FYN: variants seen among roughly 807,000 people sequenced by gnomAD.
FYN encodes tyrosine-protein kinase Fyn.
A neutral mutation model predicts 70.2 loss-of-function variants in FYN; 10 were observed. The observed-to-expected ratio is 0.14, with a 90% CI of 0.09 to 0.24. The LOEUF is 0.24. Ranked by LOEUF, FYN falls within the 10% of genes least tolerant of loss-of-function variation. FYN has a pLI of 1.00. For missense variants in FYN, 319 were observed against 673.1 expected, an observed-to-expected ratio of 0.47 and a Z score of 5.82; for synonymous variants, 236 against 248.6, an observed-to-expected ratio of 0.95 and a Z score of 0.48.
chr6:111,783,616 A>T lies in FYN; in HGVS notation c.-81-2981T>A, dbSNP rs575827215. On this transcript the variant is annotated intron_variant, in intron 2 of 13. Coordinates refer to ENST00000354650, the MANE Select transcript of FYN (RefSeq NM_002037.5). ...AACAATTCTGCTTTTAATACATATCACAGACTATTGTATGACTCCCGGTAT... is the reference window on the plus strand; with the variant it reads ...AACAATTCTGCTTTTAATACATATCTCAGACTATTGTATGACTCCCGGTAT... 2.0e-5 allele frequency among the ~76,000 whole-genome samples: 3 copies of T among 152,332 alleles called. No homozygotes were observed. In the East Asian group the frequency reaches 5.8e-4, roughly 29 times the overall value.
chr6:111,674,658 C>T (rs1398452341), intron 12 of FYN, 28 bp from the exon 13 acceptor site: 3 of 1,608,654 alleles, frequency 1.9e-6, no homozygotes, highest in Non-Finnish European at 2.5e-6. Context: ...GGTTATTCAT[C>T]AGGCAGAGGG....
chr6:111,826,006 T>C (rs1772823641), intron 2 of FYN, among the ~76,000 whole-genome samples: 1 of 152,124 alleles, frequency 6.6e-6, no homozygotes, highest in Admixed American at 6.6e-5. Flanking sequence ...ATTTCATTAC[T>C]ATTTAAGTAT....
intron 3 of FYN, among the ~76,000 whole-genome samples, chr6:111,733,964 G>A (rs765310054): frequency 1.6e-4 from 25 of 152,172 alleles, no homozygotes; most frequent in African/African-American, 4.6e-4. Flanking sequence ...GTATGTGCCT[G>A]TAGTCTCAGT....
At chr6:111,818,588 CCCAGCTCCCT>C (rs1772561701) in intron 2 of FYN, 1 of 152,264 alleles carries the variant, frequency 6.6e-6, no homozygotes, top group Non-Finnish European at 1.5e-5. Context: ...ATCCCAGGGG[CCCAGCTCCCT>C]CCATGGTAAT....
intron 12 of FYN, among the ~76,000 whole-genome samples, chr6:111,691,155 T>C (rs1463942205): frequency 6.6e-6 from 1 of 152,190 alleles, no homozygotes; most frequent in Non-Finnish European, 1.5e-5. Context: ...GGGCCTGGCC[T>C]TGACCACCTC....
At chr6:111,799,764 GC>G (rs1771925044) in intron 2 of FYN, among the ~76,000 whole-genome samples, 1 of 152,168 alleles carries the variant, frequency 6.6e-6, no homozygotes, top group South Asian at 2.1e-4. Flanking sequence ...CATCTCCACT[GC>G]CCCCTGTCTG....
rs751427070 is a variant in FYN, at chr6:111,661,859, G to A, written c.1494C>T (p.Leu498=). The change falls in exon 14 of 14, where the codon CTC becomes CTT. Residue 498 remains leucine (L), a synonymous_variant. Coordinates refer to ENST00000354650, the MANE Select transcript of FYN (RefSeq NM_002037.5). This position sits in a 1 kb window ranked among gnomAD's most constrained non-coding sequence, Gnocchi z 4.0. ...GGTCCTTTTTCCAGCAGTGGATCAT[G>A]AGCTCATGCAGAGAGATGGGGCAGT... ...PQDCPISLHE[L]MIHCWKKDPE... is the part of the protein sequence containing the mutation. 2.5e-6 allele frequency: 4 copies of A among 1,614,218 alleles called. No individual in the cohort carries two copies. The highest frequency in any genetic ancestry group is 1.3e-5 in the African/African-American group (1 of 75,058).
At chr6:111,846,084 C>CA (rs1773519152) in intron 2 of FYN, among the ~76,000 whole-genome samples, 1 of 151,986 alleles carries the variant, frequency 6.6e-6, no homozygotes, top group Non-Finnish European at 1.5e-5. Flanking sequence ...CAGTAGGAAC[C>CA]AAAAAAATGT....
intron 1 of FYN, among the ~76,000 whole-genome samples, chr6:111,872,058 G>A (rs1774289109): frequency 6.6e-6 from 1 of 152,166 alleles, no homozygotes; most frequent in Admixed American, 6.5e-5. Flanking sequence ...CACTGAAAGG[G>A]CTCTTTGTGT....
chr6:111,675,813 A>AAAAT (rs1798509678), intron 12 of FYN, among the ~76,000 whole-genome samples: 1 of 149,632 alleles, frequency 6.7e-6, no homozygotes, highest in African/African-American at 2.5e-5. Flanking sequence ...GAAATAAAAT[A>AAAAT]AAAATAAATA....
chr6:111,780,196 G>T (rs902395557), intron 3 of FYN, among the ~76,000 whole-genome samples: 1 of 151,954 alleles, frequency 6.6e-6, no homozygotes, highest in South Asian at 2.1e-4. Flanking sequence ...TAATATATGG[G>T]TCACACGGAT....
intron 1 of FYN, among the ~76,000 whole-genome samples, chr6:111,861,785 G>A (rs1003627714): frequency 6.6e-6 from 1 of 152,150 alleles, no homozygotes; most frequent in Non-Finnish European, 1.5e-5. Flanking sequence ...ATGACTCCAG[G>A]GGTCCCTCCC....
chr6:111,850,456 T>C (rs1773654137), intron 1 of FYN, among the ~76,000 whole-genome samples: 1 of 152,142 alleles, frequency 6.6e-6, no homozygotes, highest in African/African-American at 2.4e-5. Flanking sequence ...ACAACTAAAG[T>C]GAGAACCTCA....
At chr6:111,782,039 T>G (rs1176733413) in intron 2 of FYN, among the ~76,000 whole-genome samples, 1 of 152,176 alleles carries the variant, frequency 6.6e-6, no homozygotes, top group Non-Finnish European at 1.5e-5. Context: ...TGAGATCATG[T>G]TTTTCCCCAT....
chr6:111,676,834 G>A (rs1353153043), intron 12 of FYN, among the ~76,000 whole-genome samples: 1 of 152,124 alleles, frequency 6.6e-6, no homozygotes, highest in Non-Finnish European at 1.5e-5. Flanking sequence ...AGGTGTGTGT[G>A]TTGCTGAAAG....
chr6:111,819,673 TC>T (rs1434652740), intron 2 of FYN, among the ~76,000 whole-genome samples: 1 of 152,190 alleles, frequency 6.6e-6, no homozygotes, highest in Non-Finnish European at 1.5e-5. Flanking sequence ...CTTTCCTGTT[TC>T]TTTACTACTT....
chr6:111,821,304 C>G (rs1036023651), intron 2 of FYN, among the ~76,000 whole-genome samples: 181 of 152,008 alleles, frequency 1.2e-3, no homozygotes, highest in African/African-American at 4.2e-3. Flanking sequence ...CAATGGAACA[C>G]AACAGAGCCC....
intron 3 of FYN, 57 bp from the exon 4 acceptor site, chr6:111,720,119 GC>G: frequency 6.5e-7 from 1 of 1,527,478 alleles, no homozygotes; most frequent in South Asian, 1.3e-5. Context: ...TTGCTGGGTT[GC>G]TCTACAGTAA....
chr6:111,719,563 A>T, intron 4 of FYN: 1 of 443,820 alleles, frequency 2.3e-6, no homozygotes, highest in East Asian at 3.9e-5. Context: ...TAGCTCACTA[A>T]CCCATATAGA....
Sources: gnomAD v4.1 joint callset for allele counts (sites outside exome capture counted in the v4.1 genomes callset) on GRCh38, gnomAD v4.1.1 for gene constraint, Gnocchi (gnomAD v3.1) non-coding constraint, MANE v1.5 for transcripts, NCBI Gene and HGNC (gene_info 2026-07-23, HGNC 2026-07-21) for gene names.